Variants in ASCC3 observed in about 807,000 individuals in gnomAD.
ASCC3 encodes ASC-1 complex subunit P200.
ASCC3 carries 158 observed loss-of-function variants against 256.3 expected under a neutral mutation model. The observed-to-expected ratio is 0.62, with a 90% CI of 0.54 to 0.70. The LOEUF (loss-of-function observed/expected upper bound fraction) is 0.70. ASCC3 is among the 30% of genes least tolerant of loss of function. The probability of loss-of-function intolerance (pLI) is 0.00; values close to 1 mark genes in which losing one functional copy is unlikely to be tolerated. For missense variants in ASCC3, 2,259 were observed against 2,626.0 expected (o/e 0.86, Z 3.05); for synonymous variants, 948 against 883.4 (o/e 1.07, Z -1.30).
At chr6:100,865,723 T>C (rs1333033528) in intron 2 of ASCC3, among the ~76,000 whole-genome samples, 1 of 152,108 alleles carries the variant, frequency 6.6e-6, no homozygotes, top group Non-Finnish European at 1.5e-5. Context: ...TAGATTCAAA[T>C]GAGTCAGCAA....
chr6:100,576,191 A>T, intron 36 of ASCC3, among the ~76,000 whole-genome samples: 1 of 152,190 alleles, frequency 6.6e-6, no homozygotes, highest in African/African-American at 2.4e-5. Context: ...TATGAAGCTT[A>T]CTAATTCATG....
intron 3 of ASCC3, among the ~76,000 whole-genome samples, chr6:100,853,194 A>T (rs846792): frequency 0.43 from 65,987 of 151,858 alleles, 14,831 homozygotes; most frequent in Non-Finnish European, 0.49. Context: ...ATAATTTTTT[A>T]AAATCAAAGA....
intron 10 of ASCC3, among the ~76,000 whole-genome samples, chr6:100,736,305 C>T (rs1245364721): frequency 6.6e-6 from 1 of 152,080 alleles, no homozygotes; most frequent in Non-Finnish European, 1.5e-5. Flanking sequence ...GAGATCGAGA[C>T]CATCCTGGCC....
In ASCC3 at chr6:100,607,078, A is replaced by G. The variant is rs1367550825; in HGVS notation, c.4796T>C (p.Ile1599Thr). ...GTTGGAATCTCTTACTGTTGCAATG[A>G]TGTTCTCCATCTGCAAGTAAAAACA... The part of the protein sequence containing the change: ...LNMDEREMEN[I>T]IATVRDSNLK... The change falls in exon 31 of 42, where the codon ATC becomes ACC. Residue 1599 changes from isoleucine to threonine, a missense_variant. By Grantham distance (89) the Ile-to-Thr change is moderately conservative. Coordinates refer to ENST00000369162, the MANE Select transcript of ASCC3 (RefSeq NM_006828.4). 3 of 1,613,636 alleles carry G rather than the reference A, an allele frequency of 1.9e-6. No homozygotes were observed. The highest frequency in any genetic ancestry group is 3.3e-5 in the Admixed American group (2 of 59,982).
chr6:100,556,945 A>T (rs1422389974), intron 36 of ASCC3, among the ~76,000 whole-genome samples: 1 of 152,110 alleles, frequency 6.6e-6, no homozygotes, highest in Non-Finnish European at 1.5e-5. Context: ...GCCAAAGATT[A>T]CCCCCAAAAA....
In ASCC3 at chr6:100,772,003, C is replaced by T. The variant is rs1271335857; in HGVS notation, c.1396-4658G>A. On this transcript the variant is annotated intron_variant, in intron 8 of 41. Coordinates refer to ENST00000369162, the MANE Select transcript of ASCC3 (RefSeq NM_006828.4). The stretch of plus-strand genomic sequence containing the variant: ...CACACCATTCTCCTGCCTCAGCCTC[C>T]GGAGTAGCTGGGACTACAGGCGCCA... Among the ~76,000 whole-genome samples the T allele has an allele frequency of 4.0e-5, 6 of 150,994 alleles. No homozygotes were observed. In the South Asian group the frequency reaches 6.4e-4, roughly 16 times the overall value.
chr6:100,852,548 GGTTAA>G (rs1044565501), intron 3 of ASCC3, among the ~76,000 whole-genome samples: 17 of 152,122 alleles, frequency 1.1e-4, no homozygotes, highest in Admixed American at 2.0e-4. Context: ...TATGATCTTT[GGTTAA>G]GTTAACATTT....
At chr6:100,547,481 T>C (rs1267059258) in intron 36 of ASCC3, among the ~76,000 whole-genome samples, 2 of 151,932 alleles carry the variant, frequency 1.3e-5, no homozygotes, top group African/African-American at 4.8e-5. Context: ...ATCCAGAATA[T>C]ATAAGGTTCT....
intron 4 of ASCC3, among the ~76,000 whole-genome samples, chr6:100,821,154 G>A (rs954973572): frequency 6.6e-6 from 1 of 152,162 alleles, no homozygotes; most frequent in African/African-American, 2.4e-5. Context: ...AAGTAGCTGG[G>A]ACTATAGGTG....
chr6:100,848,262 C>G lies in ASCC3; in HGVS notation c.687G>C (p.Lys229Asn). The G allele has an allele frequency of 1.2e-6, 2 of 1,614,092 alleles. No homozygotes were observed. The highest frequency in any genetic ancestry group is 1.7e-6 in the Non-Finnish European group (2 of 1,180,000). The change falls in exon 4 of 42, where the codon AAG (lysine) becomes AAC (asparagine). Residue 229 changes from lysine to asparagine, a missense_variant. Coordinates refer to ENST00000369162, the MANE Select transcript of ASCC3 (RefSeq NM_006828.4). Reference protein sequence around the residue: ...NGSFLWCEVEKYLNSTLKEMT... With the variant: ...NGSFLWCEVENYLNSTLKEMT... Reference sequence around the variant, plus strand: ...TTTCCTTCAAAGTTGAATTTAGGTACTTTTCAACTTCACACCACAAAAAGG... The same window carrying G: ...TTTCCTTCAAAGTTGAATTTAGGTAGTTTTCAACTTCACACCACAAAAAGG...
At chr6:100,608,118 C>CTATATATACATATATATG (rs1562161166) in intron 30 of ASCC3, among the ~76,000 whole-genome samples, 2 of 23,350 alleles carry the variant, frequency 8.6e-5, no homozygotes, top group East Asian at 9.5e-4. Context: ...GTATATATAT[C>CTATATATACATATATATG]TATATATACA....
At chr6:100,858,612 T>C in intron 3 of ASCC3, 1 of 987,320 alleles carries the variant, frequency 1.0e-6, no homozygotes, top group African/African-American at 1.7e-5. Context: ...CCCTATCTTC[T>C]CATATTTATT....
chr6:100,681,433 T>A (rs1263507340), intron 13 of ASCC3, among the ~76,000 whole-genome samples: 1 of 151,912 alleles, frequency 6.6e-6, no homozygotes, highest in African/African-American at 2.4e-5. Context: ...AATATGATCA[T>A]AAGAACATTT....
intron 36 of ASCC3, among the ~76,000 whole-genome samples, chr6:100,578,939 T>C (rs1355376937): frequency 6.6e-6 from 1 of 152,040 alleles, no homozygotes; most frequent in Non-Finnish European, 1.5e-5. Context: ...TTTACATTTC[T>C]ACTAGCAGTG....
At chr6:100,736,260 C>T (rs879161982) in intron 10 of ASCC3, among the ~76,000 whole-genome samples, 1 of 152,058 alleles carries the variant, frequency 6.6e-6, no homozygotes, top group Non-Finnish European at 1.5e-5. Flanking sequence ...AGTTCCTTTT[C>T]CTGAGAGGCC....
At chr6:100,789,300 A>G (rs1278908264) in intron 8 of ASCC3, among the ~76,000 whole-genome samples, 1 of 151,956 alleles carries the variant, frequency 6.6e-6, no homozygotes, top group Non-Finnish European at 1.5e-5. Flanking sequence ...CCCACAACTC[A>G]AAAGAGTAGG....
chr6:100,819,985 T>C (rs1181930184), intron 4 of ASCC3, among the ~76,000 whole-genome samples: 1 of 152,184 alleles, frequency 6.6e-6, no homozygotes, highest in African/African-American at 2.4e-5. Flanking sequence ...AAAGAAATTT[T>C]AGAAGATCTA....
At position 100,532,366 on chromosome 6, in the gene ASCC3, GTGTGTA is replaced by G. The variant is rs1237853682; in HGVS notation, c.5775+7791_5775+7796del. Among the ~76,000 whole-genome samples, 736 of 125,588 alleles carry G rather than the reference GTGTGTA, an allele frequency of 5.9e-3. 6 individuals carry two copies. Among genetic ancestry groups the G allele is most frequent in the African/African-American group, 0.022 (706 of 32,176 alleles). The allele number at this position is 125,588 out of a possible 152,430, so 82.4% of individuals were successfully genotyped here. A position where few individuals can be genotyped will look rare whatever the true frequency, so the allele number is the denominator to read the frequency against. ...TGTGTGTGTGTGTGTGTGTGTGTGTGTGTGTATGTGTGTATATATATATATATATAT... is the reference window on the plus strand; with the variant it reads ...TGTGTGTGTGTGTGTGTGTGTGTGTGTGTGTGTATATATATATATATATAT... On this transcript the variant is annotated intron_variant, in intron 37 of 41. Transcript: ENST00000369162.
chr6:100,724,611 G>C lies in ASCC3; in HGVS notation c.1902+928C>G, dbSNP rs750582021. Among the ~76,000 whole-genome samples, 11 of 151,818 alleles carry C rather than the reference G, an allele frequency of 7.2e-5. No individual in the cohort carries two copies. The Admixed American group carries it at 7.3e-4, about 10-fold the overall frequency. On this transcript the variant is annotated intron_variant, in intron 11 of 41. Coordinates refer to ENST00000369162, the MANE Select transcript of ASCC3 (RefSeq NM_006828.4). Reference sequence around the variant, plus strand: ...AGGGGAGAAAGGACCTCTGAGAAACGAGTAAGGGGTGGAATGAAGGGTATG... The same window carrying C: ...AGGGGAGAAAGGACCTCTGAGAAACCAGTAAGGGGTGGAATGAAGGGTATG...
Sources: allele counts gnomAD v4.1 joint callset (sites outside exome capture counted in the v4.1 genomes callset), GRCh38; gene constraint gnomAD v4.1.1; transcripts MANE v1.5; gene names NCBI Gene and HGNC (gene_info 2026-07-23, HGNC 2026-07-21).